POFUT2: variants seen among roughly 807,000 people sequenced by gnomAD.
POFUT2 encodes the protein protein O-fucosyltransferase 2.
POFUT2 carries 30 observed loss-of-function variants against 55.0 expected under a neutral mutation model. That is an observed-to-expected ratio of 0.55 (90% CI 0.41 to 0.74). The LOEUF (loss-of-function observed/expected upper bound fraction) is 0.74, where lower values mean the gene tolerates loss of function less well. Among genes scored for constraint, POFUT2 ranks in the 30% least tolerant of loss-of-function variants. The pLI is 0.00. For missense variants in POFUT2, 524 were observed against 562.6 expected, an observed-to-expected ratio of 0.93 and a Z score of 0.69; for synonymous variants, 267 against 231.1, an observed-to-expected ratio of 1.16 and a Z score of -1.41.
intron 2 of POFUT2, among the ~76,000 whole-genome samples, chr21:45,283,824 G>A (rs35323494): frequency 0.28 from 42,704 of 152,022 alleles, 6,327 homozygotes; most frequent in South Asian, 0.48. Flanking sequence ...GAGCCCATCC[G>A]GCCCTCACGC....
Position 45,284,600 on chromosome 21 carries a change from C to G in POFUT2, c.383-1073G>C, listed in dbSNP as rs1160273016. On this transcript the variant is annotated intron_variant, in intron 2 of 8. Transcript: ENST00000349485. This position sits in a 1 kb window ranked among gnomAD's most constrained non-coding sequence, Gnocchi z 5.8. ...CAGCATCTGTCTTCCCAGACCTTCC[C>G]AAGCACTTGGATGCCCAAGGCCCAG... Among the ~76,000 whole-genome samples, 3 of 152,204 alleles carry G rather than the reference C, an allele frequency of 2.0e-5. No individual in the cohort carries two copies. The highest frequency in any genetic ancestry group is 7.2e-5 in the African/African-American group (3 of 41,434).
At chr21:45,283,621 G>C in intron 2 of POFUT2, 94 bp from the exon 3 acceptor site, 1 of 1,265,576 alleles carries the variant, frequency 7.9e-7, no homozygotes, top group Non-Finnish European at 1.1e-6. Context: ...TCTTACTACT[G>C]TACACCACCC....
intron 6 of POFUT2, among the ~76,000 whole-genome samples, chr21:45,271,612 G>A (rs2093220157): frequency 6.6e-6 from 1 of 152,186 alleles, no homozygotes; most frequent in African/African-American, 2.4e-5. Flanking sequence ...GTTATCTAAA[G>A]TCAAGATGAA....
chr21:45,269,804 G>T (rs1401036635), intron 7 of POFUT2, 35 bp downstream of exon 7: 1 of 1,565,356 alleles, frequency 6.4e-7, no homozygotes, highest in Non-Finnish European at 8.6e-7. Context: ...TAAATTAAAA[G>T]AAAGGAAAGA....
rs984922971 is a variant in POFUT2, at chr21:45,270,901, G to A, written c.832-882C>T. Reference sequence around the variant, plus strand: ...GATAAAAGAATCTGAACAGTAGCCCGTGAGTTCCAGATCTTTCCACTGAAG... The same window carrying A: ...GATAAAAGAATCTGAACAGTAGCCCATGAGTTCCAGATCTTTCCACTGAAG... On this transcript the variant is annotated intron_variant, in intron 6 of 8. Coordinates refer to ENST00000349485, the MANE Select transcript of POFUT2 (RefSeq NM_133635.6). This position sits in a 1 kb window ranked among gnomAD's most constrained non-coding sequence, Gnocchi z 4.6. 2.5e-4 allele frequency among the ~76,000 whole-genome samples: 38 copies of A among 152,196 alleles called. No homozygotes were observed. The highest frequency in any genetic ancestry group is 8.2e-4 in the African/African-American group (34 of 41,432).
rs79284960 is a variant in POFUT2 at position 45,275,020 on chromosome 21, C to T, written c.831+1997G>A. Among the ~76,000 whole-genome samples the T allele has an allele frequency of 3.9e-3, 591 of 152,306 alleles. 6 individuals are homozygous for T. Among genetic ancestry groups the T allele is most frequent in the African/African-American group, 0.013 (560 of 41,558 alleles). On this transcript the variant is annotated intron_variant, in intron 6 of 8. Coordinates refer to ENST00000349485, the MANE Select transcript of POFUT2 (RefSeq NM_133635.6). ...CAGAGTGGGAGGAAATACTTGCACA[C>T]TTTGCATCCGACCAAGGACTAATAT...
At position 45,285,637 on chromosome 21, in the gene POFUT2, G is replaced by A. The variant is rs1243380807; in HGVS notation, c.382+41C>T. ...CCTTAGAAATGACTGCCTGGCCCCA[G>A]TTAAGCAACCACGGCCTCCCAGCGT... On this transcript the variant is annotated intron_variant, in intron 2 of 8. Coordinates refer to ENST00000349485, the MANE Select transcript of POFUT2 (RefSeq NM_133635.6). This position sits in a 1 kb window ranked among gnomAD's most constrained non-coding sequence, Gnocchi z 4.9. 1.9e-6 allele frequency: 3 copies of A among 1,612,184 alleles called. No individual in the cohort carries two copies. Among genetic ancestry groups the A allele is most frequent in the Admixed American group, 1.7e-5 (1 of 60,024 alleles).
At position 45,282,591 on chromosome 21, in the gene POFUT2, C is replaced by T. The variant is rs2236449; in HGVS notation, c.528-132G>A. On this transcript the variant is annotated intron_variant, in intron 3 of 8. Transcript: ENST00000349485. This position sits in a 1 kb window ranked among gnomAD's most constrained non-coding sequence, Gnocchi z 4.6. ...GGCTGCTTTAGGAAAACTTACTGAT[C>T]GTGACTGCAGATCGTGACATTCTAG... is the stretch of plus-strand genomic sequence containing the variant. 214,864 of 684,396 alleles carry T rather than the reference C, an allele frequency of 0.31. 36,101 individuals are homozygous for T. Among genetic ancestry groups the T allele is most frequent in the South Asian group, 0.5 (31,062 of 62,638 alleles). The allele number at this position is 684,396 out of a possible 1,614,324, so 42.4% of individuals were successfully genotyped here.
intron 1 of POFUT2, among the ~76,000 whole-genome samples, chr21:45,287,187 C>T (rs1317246801): frequency 3.7e-5 from 5 of 134,072 alleles, no homozygotes; most frequent in Admixed American, 1.4e-4. Flanking sequence ...CAGACTCCAG[C>T]CCGGCCCCGG....
intron 3 of POFUT2, 81 bp downstream of exon 3, chr21:45,283,302 C>T (rs1602226178): frequency 1.5e-6 from 1 of 651,866 alleles, no homozygotes; most frequent in East Asian, 3.8e-5. Flanking sequence ...CGGGGGGCGC[C>T]TGAGGCGGGG....
rs943934827 is a variant in POFUT2, at chr21:45,284,919, G to C, written c.382+759C>G. ...CCCTAGCACTCACAAGACTGACCTT[G>C]ACACAGAAAACATTTCAGAGTGACA... On this transcript the variant is annotated intron_variant, in intron 2 of 8. Coordinates refer to ENST00000349485, the MANE Select transcript of POFUT2 (RefSeq NM_133635.6). This position sits in a 1 kb window ranked among gnomAD's most constrained non-coding sequence, Gnocchi z 5.8. 6.6e-6 allele frequency among the ~76,000 whole-genome samples: 1 copy of C among 152,160 alleles called. No homozygotes were observed. Among genetic ancestry groups the C allele is most frequent in the Non-Finnish European group, 1.5e-5 (1 of 68,028 alleles).
chr21:45,283,011 GC>G (rs1259100640), intron 3 of POFUT2: 7 of 444,790 alleles, frequency 1.6e-5, no homozygotes, highest in Non-Finnish European at 2.8e-5. Flanking sequence ...GTTCATCACG[GC>G]CCATTCTCCA....
intron 7 of POFUT2, among the ~76,000 whole-genome samples, chr21:45,269,263 G>A (rs570298064): frequency 1.8e-4 from 28 of 152,300 alleles, no homozygotes; most frequent in African/African-American, 6.0e-4. Flanking sequence ...CCCTCTGCCC[G>A]GCCACCACCC....
chr21:45,283,556 T>G, intron 2 of POFUT2, 29 bp from the exon 3 acceptor site: 4 of 1,611,444 alleles, frequency 2.5e-6, no homozygotes, highest in Non-Finnish European at 3.4e-6. Context: ...AGCCAGGCAG[T>G]GTGACAGCGA....
chr21:45,277,290 G>A lies in POFUT2; in HGVS notation c.706-148C>T, dbSNP rs550371497. On this transcript the variant is annotated intron_variant, in intron 5 of 8. Transcript: ENST00000349485. The surrounding 1 kb of genome is among the most constrained non-coding windows in gnomAD (Gnocchi z 6.9). The stretch of plus-strand genomic sequence containing the variant: ...CATCCACGGTCGCCTGAGAAGCAGC[G>A]CCATCCACGGTGGAGGCTCTTGGAG... 1.7e-4 allele frequency: 182 copies of A among 1,063,622 alleles called. No homozygotes were observed. In the African/African-American group the frequency reaches 2.7e-3, roughly 16 times the overall value. The allele number at this position is 1,063,622 out of a possible 1,614,324, so 65.9% of individuals were successfully genotyped here.
rs1207989229 is a variant in POFUT2, at chr21:45,264,942, A to G, written c.*540T>C. 1.3e-5 allele frequency: 2 copies of G among 152,628 alleles called. No homozygotes were observed. The highest frequency in any genetic ancestry group is 2.9e-5 in the Non-Finnish European group (2 of 68,370). The allele number at this position is 152,628 out of a possible 1,614,324, so 9.5% of individuals were successfully genotyped here. A position where few individuals can be genotyped will look rare whatever the true frequency, so the allele number is the denominator to read the frequency against. On this transcript the variant is annotated 3_prime_UTR_variant, in exon 9 of 9. Transcript: ENST00000349485. ...ACCAGGTCTGCCTTGCACGCATCCC[A>G]GGAGGAAACACACAGGCAGCCTCCT...
intron 8 of POFUT2, chr21:45,266,602 C>T (rs1324434437): frequency 1.2e-5 from 12 of 1,041,458 alleles, no homozygotes; most frequent in Non-Finnish European, 1.4e-5. Flanking sequence ...TCCTGCACAC[C>T]TCCGCCCTGA....
chr21:45,266,710 A>T, intron 8 of POFUT2: 2 of 1,001,168 alleles, frequency 2.0e-6, no homozygotes, highest in Non-Finnish European at 2.4e-6. Context: ...CTTACACACC[A>T]TGCCCAGAAC....
intron 7 of POFUT2, among the ~76,000 whole-genome samples, chr21:45,268,882 G>A (rs1160445147): frequency 2.8e-5 from 3 of 106,096 alleles, no homozygotes; most frequent in Admixed American, 8.5e-5. Flanking sequence ...CACCCCGGGC[G>A]GCCAGCCGCC....
Sources: allele counts gnomAD v4.1 joint callset (sites outside exome capture counted in the v4.1 genomes callset), GRCh38; gene constraint gnomAD v4.1.1; non-coding constraint Gnocchi (gnomAD v3.1); transcripts MANE v1.5; gene names NCBI Gene and HGNC (gene_info 2026-07-23, HGNC 2026-07-21).